Variants in CACNA2D3 observed in about 807,000 individuals in gnomAD.
CACNA2D3 encodes the protein calcium voltage-gated channel auxiliary subunit alpha2delta 3, also known as voltage-dependent calcium channel subunit alpha-2/delta-3.
CACNA2D3 carries 60 observed loss-of-function variants against 160.6 expected under a neutral mutation model. The observed-to-expected ratio is 0.37, with a 90% CI of 0.30 to 0.46. The LOEUF is 0.46. CACNA2D3 is among the 20% of genes least tolerant of loss of function. The pLI, the probability that CACNA2D3 is intolerant of heterozygous loss-of-function variation, is 1.00. For missense variants in CACNA2D3, 1,205 were observed against 1,365.0 expected (o/e 0.88, Z 1.85); for synonymous variants, 558 against 492.9 (o/e 1.13, Z -1.75).
chr3:54,570,509 T>A (rs765830393), intron 8 of CACNA2D3, among the ~76,000 whole-genome samples: 6 of 151,992 alleles, frequency 3.9e-5, no homozygotes, highest in Non-Finnish European at 8.8e-5. Context: ...TAATAATTGA[T>A]AATAATAATA....
At chr3:54,499,796 G>A (rs1701259425) in intron 4 of CACNA2D3, among the ~76,000 whole-genome samples, 1 of 151,948 alleles carries the variant, frequency 6.6e-6, no homozygotes, top group Admixed American at 6.6e-5. Flanking sequence ...GTGTTTTAGG[G>A]CCCCTGATGT....
chr3:54,769,374 T>A (rs944691421), intron 13 of CACNA2D3, among the ~76,000 whole-genome samples: 1 of 152,184 alleles, frequency 6.6e-6, no homozygotes, highest in Non-Finnish European at 1.5e-5. Flanking sequence ...TCCATTTTAG[T>A]AACCTGATGT....
At chr3:54,204,796 GAAAA>G (rs57129457) in intron 2 of CACNA2D3, among the ~76,000 whole-genome samples, 34,634 of 75,056 alleles carry the variant, frequency 0.46, 6,136 homozygotes, top group African/African-American at 0.58. Flanking sequence ...ATGCTGTCTT[GAAAA>G]AAAAAAAAAA....
At chr3:54,307,081 C>T (rs1277865577) in intron 2 of CACNA2D3, among the ~76,000 whole-genome samples, 2 of 152,142 alleles carry the variant, frequency 1.3e-5, no homozygotes, top group African/African-American at 4.8e-5. Context: ...TTTCTCTCAC[C>T]TGATATGACC....
intron 27 of CACNA2D3, among the ~76,000 whole-genome samples, chr3:54,953,833 C>T (rs76178858): frequency 0.024 from 3,607 of 152,142 alleles, 155 homozygotes; most frequent in African/African-American, 0.082. Context: ...GGTTCTCTTC[C>T]AGGATCAGCC....
At chr3:54,678,768 T>C (rs1575419084) in intron 11 of CACNA2D3, among the ~76,000 whole-genome samples, 1 of 140,048 alleles carries the variant, frequency 7.1e-6, no homozygotes, top group East Asian at 2.1e-4. Context: ...TCAAGTTAAT[T>C]AATTGCATAA....
rs150978646 is a variant in CACNA2D3 at position 54,222,550 on chromosome 3, A to G, written c.205-97892A>G. ...TGAGTCAATGTTGACAAATAAAACT[A>G]AACACACTAACCCTGTGCCCCAGTC... On this transcript the variant is annotated intron_variant, in intron 2 of 37. Transcript: ENST00000474759. Among the ~76,000 whole-genome samples the G allele has an allele frequency of 3.3e-4, 50 of 152,372 alleles. No individual in the cohort carries two copies. The East Asian group carries it at 9.3e-3, about 28-fold the overall frequency.
intron 2 of CACNA2D3, among the ~76,000 whole-genome samples, chr3:54,266,508 G>A (rs4928026): frequency 0.14 from 21,350 of 152,118 alleles, 1,977 homozygotes; most frequent in South Asian, 0.2. Flanking sequence ...AGAACACAGG[G>A]CCCTCTTGTT....
chr3:54,927,830 G>T (rs371361486), intron 27 of CACNA2D3: 4 of 1,475,908 alleles, frequency 2.7e-6, no homozygotes, highest in Admixed American at 1.7e-5. Flanking sequence ...TAGATTTCCC[G>T]CAGATACCTT....
chr3:54,809,164 C>A, intron 13 of CACNA2D3, among the ~76,000 whole-genome samples: 1 of 151,860 alleles, frequency 6.6e-6, no homozygotes. Flanking sequence ...CAAGGCCCTC[C>A]TTCTTTCATT....
chr3:54,562,831 T>G lies in CACNA2D3; in HGVS notation c.576T>G (p.Ser192=), dbSNP rs753892987. ...CAATTGTCAATGGGGTTTATTGGTC[T>G]GAATCTCTAAACAAAGTTTTTGTAG... ...DPAIVNGVYW[S]ESLNKVFVDN... Residue 192 remains serine, a synonymous_variant, in exon 6 of 38, where the codon TCT becomes TCG. Transcript: ENST00000474759. The G allele has an allele frequency of 2.5e-6, 4 of 1,612,662 alleles. No homozygotes were observed. In the East Asian group the frequency reaches 8.9e-5, roughly 36 times the overall value.
chr3:54,691,444 T>C (rs1700568266), intron 11 of CACNA2D3, among the ~76,000 whole-genome samples: 1 of 152,152 alleles, frequency 6.6e-6, no homozygotes, highest in African/African-American at 2.4e-5. Flanking sequence ...TTGCTTAGTT[T>C]CCAGCTGCAC....
intron 4 of CACNA2D3, among the ~76,000 whole-genome samples, chr3:54,404,669 T>C (rs748420333): frequency 9.2e-5 from 14 of 152,060 alleles, no homozygotes; most frequent in East Asian, 1.9e-4. Context: ...AGCTTTCAGA[T>C]GGGAACAAAA....
intron 16 of CACNA2D3, among the ~76,000 whole-genome samples, chr3:54,844,301 CGTAGAGAA>C (rs1179692100): frequency 1.3e-5 from 2 of 151,914 alleles, no homozygotes; most frequent in Non-Finnish European, 2.9e-5. Flanking sequence ...CCCTGGCAAC[CGTAGAGAA>C]AGGGATTTCC....
chr3:54,306,758 C>T (rs1703612031), intron 2 of CACNA2D3, among the ~76,000 whole-genome samples: 1 of 152,172 alleles, frequency 6.6e-6, no homozygotes, highest in African/African-American at 2.4e-5. Context: ...TGGAAGCAGC[C>T]TGGTTGCTGC....
chr3:54,936,888 G>T (rs1362710995), intron 27 of CACNA2D3, among the ~76,000 whole-genome samples: 2 of 152,136 alleles, frequency 1.3e-5, no homozygotes, highest in Non-Finnish European at 2.9e-5. Context: ...TCTAATGAGG[G>T]CTGAGGAGAA....
At chr3:54,311,937 G>A (rs1703752109) in intron 2 of CACNA2D3, among the ~76,000 whole-genome samples, 1 of 152,106 alleles carries the variant, frequency 6.6e-6, no homozygotes, top group African/African-American at 2.4e-5. Context: ...AGAGCTTGAA[G>A]GAATAAAAAG....
At chr3:54,144,980 C>T (rs1409338331) in intron 2 of CACNA2D3, among the ~76,000 whole-genome samples, 4 of 152,124 alleles carry the variant, frequency 2.6e-5, no homozygotes, top group Admixed American at 6.5e-5. Context: ...TTTAACTACT[C>T]GCTGTGGTTT....
At chr3:54,781,579 A>T (rs1422556904) in intron 13 of CACNA2D3, among the ~76,000 whole-genome samples, 1 of 152,224 alleles carries the variant, frequency 6.6e-6, no homozygotes, top group Admixed American at 6.5e-5. Context: ...CAATGGGATA[A>T]GTGTTCATTT....
Sources: gnomAD v4.1 joint callset for allele counts (sites outside exome capture counted in the v4.1 genomes callset) on GRCh38, gnomAD v4.1.1 for gene constraint, MANE v1.5 for transcripts, NCBI Gene and HGNC (gene_info 2026-07-23, HGNC 2026-07-21) for gene names.